Variants in UGT3A1 observed in about 807,000 individuals in gnomAD.
UGT3A1 encodes UDP glycosyltransferase family 3 member A1, also known as UDP-glycosyltransferase 3A1.
UGT3A1 carries 40 observed loss-of-function variants against 37.6 expected under a neutral mutation model. The ratio of observed to expected loss-of-function variants is 1.06; its 90% CI spans 0.83 to 1.38. The LOEUF (loss-of-function observed/expected upper bound fraction) is 1.38. Among genes scored for constraint, UGT3A1 ranks in the 40% most tolerant of loss-of-function variants. The pLI, the probability that UGT3A1 is intolerant of heterozygous loss-of-function variation, is 0.00. For missense variants in UGT3A1, 642 were observed against 634.2 expected (o/e 1.01, Z -0.13); for synonymous variants, 256 against 232.3 (o/e 1.10, Z -0.93).
upstream of UGT3A1, chr5:35,991,488 G>A (rs934112765): frequency 1.5e-6 from 2 of 1,320,454 alleles, no homozygotes; most frequent in African/African-American, 1.5e-5. Flanking sequence ...GTAGGAGGGG[G>A]TTGGTAACCT....
At chr5:35,985,079 T>TAAAAAAAAAAAA (rs59401195) in intron 2 of UGT3A1, among the ~76,000 whole-genome samples, 42 of 115,972 alleles carry the variant, frequency 3.6e-4, no homozygotes, top group African/African-American at 7.4e-4. Flanking sequence ...ACATAAAATA[T>TAAAAAAAAAAAA]AAAAAAAAAA....
upstream of UGT3A1, chr5:35,991,429 A>G: frequency 1.4e-6 from 2 of 1,441,882 alleles, no homozygotes; most frequent in South Asian, 1.5e-5. Context: ...CCCTGGGTGC[A>G]TGCTCCATGG....
rs1456637451 is a variant in UGT3A1 at position 35,961,868 on chromosome 5, C to A, written c.843+3518G>T. On this transcript the variant is annotated intron_variant, in intron 4 of 6. Coordinates refer to ENST00000274278, the MANE Select transcript of UGT3A1 (RefSeq NM_152404.4). ...GATACGGGGGTATGCTTTACCAAGG[C>A]CCCTCTTAGCCTCTCCAAGAAGGCA... The A allele has an allele frequency of 2.0e-5, 3 of 152,300 alleles. No individual in the cohort carries two copies. In the East Asian group the frequency reaches 5.8e-4, roughly 29 times the overall value. 9.4% of individuals were successfully genotyped at this position (152,300 alleles called of 1,614,324 possible).
intron 4 of UGT3A1, chr5:35,962,851 G>C (rs750531899): frequency 2.8e-6 from 2 of 702,006 alleles, no homozygotes; most frequent in South Asian, 3.0e-5. Flanking sequence ...GCTAGGAGGT[G>C]TTTTTCCTCC....
intron 2 of UGT3A1, among the ~76,000 whole-genome samples, chr5:35,977,300 G>T (rs1273940156): frequency 1.3e-5 from 2 of 152,068 alleles, no homozygotes; most frequent in Non-Finnish European, 2.9e-5. Flanking sequence ...ATACTAGCAA[G>T]CAATAAAAAT....
At chr5:35,954,570 A>C in intron 6 of UGT3A1, 92 bp from the exon 7 acceptor site, 1 of 1,466,878 alleles carries the variant, frequency 6.8e-7, no homozygotes, top group Non-Finnish European at 9.2e-7. Context: ...AAGCATACAA[A>C]CACTTTTCTA....
At chr5:36,000,416 G>A (rs1009887070) in intron 1 of UGT3A1, among the ~76,000 whole-genome samples, 2 of 152,110 alleles carry the variant, frequency 1.3e-5, no homozygotes, top group Non-Finnish European at 2.9e-5. Flanking sequence ...TTTGTCTATT[G>A]GAAAAGACAT....
intron 5 of UGT3A1, 60 bp downstream of exon 5, chr5:35,957,128 A>C: frequency 1.4e-6 from 2 of 1,447,514 alleles, no homozygotes; most frequent in Non-Finnish European, 1.9e-6. Context: ...AGGTCAGAAC[A>C]CTGACGAGCA....
chr5:35,968,121 T>A lies in UGT3A1; in HGVS notation c.209A>T (p.Glu70Val). The change falls in exon 3 of 7, where the codon GAG (glutamate) becomes GTG (valine). Residue 70 changes from glutamate (E) to valine (V), a missense_variant. Coordinates refer to ENST00000274278, the MANE Select transcript of UGT3A1 (RefSeq NM_152404.4). ...CCTGATAACTTGGTATGATTTTTCC[T>A]CCTCTTTAATATCTAAGAAAACACC... ...GKFLIPDIKE[E>V]EKSYQVIRWF... 6.2e-7 allele frequency: 1 copy of A among 1,609,810 alleles called. No homozygotes were observed. The highest frequency in any genetic ancestry group is 1.1e-5 in the South Asian group (1 of 90,766).
intron 2 of UGT3A1, among the ~76,000 whole-genome samples, chr5:35,985,833 C>G (rs1336257137): frequency 6.6e-6 from 1 of 152,056 alleles, no homozygotes; most frequent in Non-Finnish European, 1.5e-5. Context: ...AAAGTACAGG[C>G]AATCAAAGCA....
Position 35,965,453 on chromosome 5 carries a change from C to T in UGT3A1, c.776G>A (p.Arg259Gln), listed in dbSNP as rs575612045. The change falls in exon 4 of 7, where the codon CGG becomes CAG. Residue 259 changes from arginine (R) to glutamine (Q), a missense_variant. Coordinates refer to ENST00000274278, the MANE Select transcript of UGT3A1 (RefSeq NM_152404.4). ...ATAAACAGTGTTGGGAAGCAGGGGCCGGGCAAAATCAAAGGCAAAATCAGA... is the reference window on the plus strand; with the variant it reads ...ATAAACAGTGTTGGGAAGCAGGGGCTGGGCAAAATCAAAGGCAAAATCAGA... Reference protein sequence around the residue: ...VNSDFAFDFARPLLPNTVYIG... With the variant: ...VNSDFAFDFAQPLLPNTVYIG... 29 of 1,614,112 alleles carry T rather than the reference C, an allele frequency of 1.8e-5. No homozygotes were observed. Among genetic ancestry groups the T allele is most frequent in the East Asian group, 1.1e-4 (5 of 44,886 alleles).
chr5:35,985,079 T>TAAAAAAAAAAA (rs59401195), intron 2 of UGT3A1, among the ~76,000 whole-genome samples: 261 of 115,548 alleles, frequency 2.3e-3, no homozygotes, highest in Non-Finnish European at 2.6e-3. Flanking sequence ...ACATAAAATA[T>TAAAAAAAAAAA]AAAAAAAAAA....
At chr5:35,982,518 C>T (rs1018889275) in intron 2 of UGT3A1, among the ~76,000 whole-genome samples, 4 of 152,306 alleles carry the variant, frequency 2.6e-5, no homozygotes, top group African/African-American at 7.2e-5. Context: ...TTGTTTAGGA[C>T]AATTTCTCCC....
At chr5:35,961,490 T>G (rs1739581767) in intron 4 of UGT3A1, 1 of 152,132 alleles carries the variant, frequency 6.6e-6, no homozygotes, top group African/African-American at 2.4e-5. Context: ...CAAGTGAAAA[T>G]ACTAAAACCA....
chr5:35,997,849 A>G (rs1039435501), intron 1 of UGT3A1, among the ~76,000 whole-genome samples: 15 of 152,244 alleles, frequency 9.9e-5, no homozygotes, highest in Admixed American at 5.9e-4. Context: ...GTTAGCCATC[A>G]AGGGACACAA....
At chr5:35,964,675 C>G (rs1259741169) in intron 4 of UGT3A1, among the ~76,000 whole-genome samples, 1 of 152,168 alleles carries the variant, frequency 6.6e-6, no homozygotes. Flanking sequence ...ACACACCTCC[C>G]TATAGATGTC....
intron 2 of UGT3A1, among the ~76,000 whole-genome samples, chr5:35,970,617 CTT>C (rs1185498888): frequency 2.6e-5 from 4 of 152,128 alleles, no homozygotes; most frequent in African/African-American, 9.7e-5. Context: ...CATGGCTACT[CTT>C]AACTAACAAT....
intron 1 of UGT3A1, 66 bp from the exon 2 acceptor site, chr5:35,988,617 A>G: frequency 8.1e-7 from 1 of 1,234,140 alleles, no homozygotes; most frequent in Non-Finnish European, 1.2e-6. Context: ...ATATGGGAGT[A>G]GGCAGGAGGG....
chr5:35,959,232 AGACT>A (rs1739481753), intron 4 of UGT3A1, among the ~76,000 whole-genome samples: 1 of 152,230 alleles, frequency 6.6e-6, no homozygotes, highest in Admixed American at 6.5e-5. Flanking sequence ...CAGACTGCAA[AGACT>A]GACAGAAGTA....
Sources: gnomAD v4.1 joint callset for allele counts (sites outside exome capture counted in the v4.1 genomes callset) on GRCh38, gnomAD v4.1.1 for gene constraint, MANE v1.5 for transcripts, NCBI Gene and HGNC (gene_info 2026-07-23, HGNC 2026-07-21) for gene names.